The following LOXHD1 variants were observed in gnomAD, a reference collection of about 807,000 sequenced individuals.
LOXHD1 encodes lipoxygenase homology domain-containing protein 1.
Under a neutral mutation model 248.2 loss-of-function variants are expected in LOXHD1, and 205 were observed. That is an observed-to-expected ratio of 0.83 (90% CI 0.74 to 0.93). The LOEUF (loss-of-function observed/expected upper bound fraction) is 0.93. Among genes scored for constraint, LOXHD1 ranks in the 40% least tolerant of loss-of-function variants. LOXHD1 has a pLI of 0.00. For synonymous variants in LOXHD1, 1,113 were observed against 1,162.8 expected (o/e 0.96, Z 0.87); for missense variants, 2,930 against 2,971.6 (o/e 0.99, Z 0.33).
rs955513289 is a variant in LOXHD1 at position 46,538,246 on chromosome 18, G to A, written c.4005C>T (p.Ala1335=). 1.2e-5 allele frequency: 18 copies of A among 1,551,234 alleles called. No individual in the cohort carries two copies. Among genetic ancestry groups the A allele is most frequent in the African/African-American group, 4.1e-5 (3 of 73,022 alleles). Residue 1335 remains alanine (A), a synonymous_variant, in exon 26 of 41, where the codon GCC becomes GCT. Transcript: ENST00000642948. ...ACAGATACTTCTGCTGGGTGCACACGGCATCGCAGCCATAGATGATGATGA... is the reference window on the plus strand; with the variant it reads ...ACAGATACTTCTGCTGGGTGCACACAGCATCGCAGCCATAGATGATGATGA... ...NIFIIIYGCD[A]VCTQQKYLCT...
In LOXHD1 at chr18:46,557,441, T is replaced by C. The variant is rs1279361053; in HGVS notation, c.3265A>G (p.Ile1089Val). Residue 1089 changes from isoleucine (I) to valine (V), a missense_variant, in exon 21 of 41, where the codon ATT (isoleucine) becomes GTT (valine). By Grantham distance (29) the Ile-to-Val change is conservative. Transcript: ENST00000642948. ...YAIDLGALTK[I>V]RIRHDNTGNR... ...CCTGTGTTGTCGTGGCGAATCCGAATCTTGGTCAGGGCCCCCAGGTCAATG... is the reference window on the plus strand; with the variant it reads ...CCTGTGTTGTCGTGGCGAATCCGAACCTTGGTCAGGGCCCCCAGGTCAATG... 1.3e-6 allele frequency: 2 copies of C among 1,552,004 alleles called. No individual in the cohort carries two copies. Among genetic ancestry groups the C allele is most frequent in the Non-Finnish European group, 1.7e-6 (2 of 1,147,106 alleles).
chr18:46,635,698 CATTT>C (rs537628152), intron 4 of LOXHD1, among the ~76,000 whole-genome samples: 11 of 152,282 alleles, frequency 7.2e-5, no homozygotes, highest in African/African-American at 1.9e-4. Flanking sequence ...GTATGCCTGA[CATTT>C]ATAGCAAATG....
intron 37 of LOXHD1, among the ~76,000 whole-genome samples, chr18:46,503,920 C>T (rs542870753): frequency 2.0e-5 from 3 of 152,032 alleles, no homozygotes; most frequent in East Asian, 1.9e-4. Flanking sequence ...GCACACAGAA[C>T]GGTGTGTTAG....
intron 17 of LOXHD1, among the ~76,000 whole-genome samples, chr18:46,563,813 AGAGAGACACCAGGGATGTG>A (rs570642459): frequency 1.3e-4 from 20 of 152,308 alleles, no homozygotes; most frequent in South Asian, 1.2e-3. Context: ...TGTGGCACAC[AGAGAGACACCAGGGATGTG>A]GAGAGACACC....
In LOXHD1 at chr18:46,507,581, C is replaced by T. The variant is rs180858375; in HGVS notation, c.5649G>A (p.Glu1883=). ...TAACTGCGACGGTGTAGGAGGTCCA[C>T]TCCATCATTTCTTCCTCATCGATAA... is the stretch of plus-strand genomic sequence containing the variant. The part of the protein sequence containing the change: ...CAVIDEEEMM[E]WTSYTVAVKT... The change falls in exon 36 of 41, where the codon GAG becomes GAA. Residue 1883 remains glutamate, a synonymous_variant. Coordinates refer to ENST00000642948, the MANE Select transcript of LOXHD1 (RefSeq NM_001384474.1). 377 of 1,551,748 alleles carry T rather than the reference C, an allele frequency of 2.4e-4. 4 individuals are homozygous for T. In the African/African-American group the frequency reaches 4.7e-3, roughly 20 times the overall value.
chr18:46,585,996 G>A (rs1599029061), intron 12 of LOXHD1, among the ~76,000 whole-genome samples: 1 of 152,094 alleles, frequency 6.6e-6, no homozygotes, highest in African/African-American at 2.4e-5. Context: ...TAACCAAAAA[G>A]TAGAAACAAC....
chr18:46,650,548 T>C (rs2039096513), intron 1 of LOXHD1, among the ~76,000 whole-genome samples: 1 of 152,200 alleles, frequency 6.6e-6, no homozygotes, highest in South Asian at 2.1e-4. Flanking sequence ...TTCCGGTCTT[T>C]TCAGAGCAGA....
Position 46,622,236 on chromosome 18 carries a change from G to A in LOXHD1, c.512-3946C>T, listed in dbSNP as rs151174027. Among the ~76,000 whole-genome samples the A allele has an allele frequency of 2.0e-5, 3 of 152,142 alleles. No individual in the cohort carries two copies. In the South Asian group the frequency reaches 6.2e-4, roughly 32 times the overall value. On this transcript the variant is annotated intron_variant, in intron 4 of 40. Transcript: ENST00000642948. ...CCATTTGGTCTCTGTCACATCAACT[G>A]TTCAGCTCTGCTGTTGTGGCATGAA...
chr18:46,553,883 A>G (rs1295195375), intron 21 of LOXHD1, among the ~76,000 whole-genome samples: 1 of 152,192 alleles, frequency 6.6e-6, no homozygotes, highest in Non-Finnish European at 1.5e-5. Context: ...ACTGCTAGGG[A>G]GCGTGGACAG....
At position 46,653,703 on chromosome 18, in the gene LOXHD1, G is replaced by A. The variant is rs1451909194; in HGVS notation, c.130+3201C>T. ...ATGAAACAATCAATGAATAAATATG[G>A]AACAAAACTGACCAGGATTTGAAGC... On this transcript the variant is annotated intron_variant, in intron 1 of 40. Coordinates refer to ENST00000642948, the MANE Select transcript of LOXHD1 (RefSeq NM_001384474.1). Among the ~76,000 whole-genome samples, 3 of 152,302 alleles carry A rather than the reference G, an allele frequency of 2.0e-5. No homozygotes were observed. In the East Asian group the frequency reaches 5.8e-4, roughly 29 times the overall value.
In LOXHD1 at chr18:46,524,369, C is replaced by T. The variant is rs1047583401; in HGVS notation, c.4876+97G>A. 28 of 1,451,846 alleles carry T rather than the reference C, an allele frequency of 1.9e-5. No individual in the cohort carries two copies. The African/African-American group carries it at 2.3e-4, about 12-fold the overall frequency. The allele number at this position is 1,451,846 out of a possible 1,614,324, so 89.9% of individuals were successfully genotyped here. A position where few individuals can be genotyped will look rare whatever the true frequency, so the allele number is the denominator to read the frequency against. ...AATGACTAAGTGTTAGATATGTCAT[C>T]GGTGATGGTGGGGCTCAAGAATGGC... On this transcript the variant is annotated intron_variant, in intron 31 of 40. Transcript: ENST00000642948.
intron 37 of LOXHD1, among the ~76,000 whole-genome samples, chr18:46,492,430 G>T (rs2033551748): frequency 6.6e-6 from 1 of 152,222 alleles, no homozygotes; most frequent in Non-Finnish European, 1.5e-5. Flanking sequence ...GCAGGAGAGA[G>T]AATGATTGCC....
intron 4 of LOXHD1, among the ~76,000 whole-genome samples, chr18:46,627,649 TG>T (rs141602271): frequency 0.057 from 8,634 of 152,254 alleles, 253 homozygotes; most frequent in African/African-American, 0.069. Flanking sequence ...GTGGTGGTTC[TG>T]GGAGGGTGGA....
Position 46,477,510 on chromosome 18 carries a change from C to A in LOXHD1, c.6784G>T (p.Asp2262Tyr). 6.4e-7 allele frequency: 1 copy of A among 1,550,678 alleles called. No individual in the cohort carries two copies. The highest frequency in any genetic ancestry group is 2.4e-5 in the East Asian group (1 of 40,906). ...AAGAGGTCTCTCCAGGTGAGTCCAT[C>A]CCCCCGCTTCTTGTCCAGCCACCTG... is the stretch of plus-strand genomic sequence containing the variant. ...CGRWLDKKRG[D>Y]GLTWRDLFPS... Residue 2262 changes from aspartate to tyrosine, a missense_variant, in exon 41 of 41, where the codon GAT (aspartate) becomes TAT (tyrosine). Coordinates refer to ENST00000642948, the MANE Select transcript of LOXHD1 (RefSeq NM_001384474.1).
chr18:46,539,086 G>A (rs1008349158), intron 25 of LOXHD1, among the ~76,000 whole-genome samples: 7 of 152,176 alleles, frequency 4.6e-5, no homozygotes, highest in South Asian at 2.1e-4. Context: ...GGCAGCCACC[G>A]GTGTGAACAG....
At chr18:46,587,857 T>C (rs931644047) in intron 12 of LOXHD1, among the ~76,000 whole-genome samples, 1 of 152,122 alleles carries the variant, frequency 6.6e-6, no homozygotes, top group African/African-American at 2.4e-5. Flanking sequence ...GCATGTGTAT[T>C]GTCCATATCT....
At position 46,504,882 on chromosome 18, in the gene LOXHD1, A is replaced by G. The variant is rs2034462692; in HGVS notation, c.5878+956T>C. On this transcript the variant is annotated intron_variant, in intron 37 of 40. Transcript: ENST00000642948. ...ACAGAAGACAAAAGGGTGAATGAAG[A>G]AAGCGGTATGCATCAAGGAGGTGGA... 7.9e-5 allele frequency among the ~76,000 whole-genome samples: 12 copies of G among 152,348 alleles called. No individual in the cohort carries two copies. In the South Asian group the frequency reaches 2.5e-3, roughly 32 times the overall value.
chr18:46,588,542 TGACA>T (rs2038105497), intron 12 of LOXHD1, among the ~76,000 whole-genome samples: 1 of 152,198 alleles, frequency 6.6e-6, no homozygotes, highest in African/African-American at 2.4e-5. Flanking sequence ...CTCCACCTCC[TGACA>T]TGGTCTCTCC....
chr18:46,655,824 C>T (rs2039173882), intron 1 of LOXHD1, among the ~76,000 whole-genome samples: 1 of 152,220 alleles, frequency 6.6e-6, no homozygotes, highest in Non-Finnish European at 1.5e-5. Flanking sequence ...CCGGACACAG[C>T]TGGACAAGCT....
Sources: allele counts gnomAD v4.1 joint callset (sites outside exome capture counted in the v4.1 genomes callset), GRCh38; gene constraint gnomAD v4.1.1; transcripts MANE v1.5; gene names NCBI Gene and HGNC (gene_info 2026-07-23, HGNC 2026-07-21).